Variants in DHRS3 observed in about 807,000 individuals in gnomAD.
DHRS3 encodes dehydrogenase/reductase 3.
Under a neutral mutation model 27.2 loss-of-function variants are expected in DHRS3, and 14 were observed. That is an observed-to-expected ratio of 0.52 (90% CI 0.34 to 0.81). The LOEUF (loss-of-function observed/expected upper bound fraction) is 0.81. Ranked by LOEUF, DHRS3 falls within the 30% of genes least tolerant of loss-of-function variation. The pLI is 0.01. For missense variants in DHRS3, 322 were observed against 406.2 expected, an observed-to-expected ratio of 0.79 and a Z score of 1.78; for synonymous variants, 165 against 175.9, an observed-to-expected ratio of 0.94 and a Z score of 0.49.
chr1:12,571,895 A>G (rs771009912), intron 5 of DHRS3, among the ~76,000 whole-genome samples: 2 of 152,162 alleles, frequency 1.3e-5, no homozygotes, highest in Non-Finnish European at 2.9e-5. Context: ...CTCTCAGTGA[A>G]TGGTAGAATT....
chr1:12,596,649 CAAGGAAT>C, intron 1 of DHRS3, among the ~76,000 whole-genome samples: 1 of 152,144 alleles, frequency 6.6e-6, no homozygotes, highest in Non-Finnish European at 1.5e-5. Flanking sequence ...GTTGGGGCCT[CAAGGAAT>C]CTGCTCTGGA....
intron 1 of DHRS3, among the ~76,000 whole-genome samples, chr1:12,596,978 C>T (rs1466816146): frequency 6.6e-6 from 1 of 151,952 alleles, no homozygotes; most frequent in African/African-American, 2.4e-5. Context: ...GATGAATAGT[C>T]CCCCCTGGCT....
At chr1:12,600,370 T>C in intron 1 of DHRS3, 1 of 985,428 alleles carries the variant, frequency 1.0e-6, no homozygotes, top group Non-Finnish European at 1.2e-6. Context: ...CCTTGTGTCT[T>C]GCCATCCCTT....
intron 1 of DHRS3, among the ~76,000 whole-genome samples, chr1:12,601,463 C>T (rs1381460104): frequency 6.6e-6 from 1 of 152,052 alleles, no homozygotes; most frequent in Non-Finnish European, 1.5e-5. Context: ...AGGTCTGCCT[C>T]AAAGTGAGGG....
At chr1:12,585,391 G>T (rs1646688584) in intron 1 of DHRS3, among the ~76,000 whole-genome samples, 1 of 67,298 alleles carries the variant, frequency 1.5e-5, no homozygotes, top group Non-Finnish European at 5.2e-5. Flanking sequence ...GTGTCTGTGT[G>T]TGACTGTGTG....
intron 1 of DHRS3, among the ~76,000 whole-genome samples, chr1:12,605,446 T>C (rs562013929): frequency 6.6e-5 from 10 of 152,338 alleles, no homozygotes; most frequent in Admixed American, 5.9e-4. Context: ...AATAGCACCC[T>C]GTATATTAAT....
intron 1 of DHRS3, among the ~76,000 whole-genome samples, chr1:12,583,366 T>C (rs1646662359): frequency 1.0e-5 from 1 of 99,752 alleles, no homozygotes; most frequent in Admixed American, 9.3e-5. Context: ...CACCCATCCA[T>C]TCCTCACCCA....
rs372764283 is a variant in DHRS3, at chr1:12,579,280, G to A, written c.459+13C>T. 2.1e-4 allele frequency: 332 copies of A among 1,614,046 alleles called. 1 individual carries two copies. In the African/African-American group the frequency reaches 3.9e-3, roughly 19 times the overall value. The stretch of plus-strand genomic sequence containing the variant: ...CACGCCCGGGGCTGGCTCTGGCCCC[G>A]GATAGCCCTTACCCAGAACTGGCCC... On this transcript the variant is annotated intron_variant, in intron 3 of 5. Coordinates refer to ENST00000616661, the MANE Select transcript of DHRS3 (RefSeq NM_004753.7).
At chr1:12,588,786 C>A (rs115141567) in intron 1 of DHRS3, among the ~76,000 whole-genome samples, 1 of 152,236 alleles carries the variant, frequency 6.6e-6, no homozygotes, top group African/African-American at 2.4e-5. Flanking sequence ...ACCCTCCCAC[C>A]GGCGACATGA....
chr1:12,579,193 G>T, intron 3 of DHRS3, 100 bp downstream of exon 3: 1 of 1,587,188 alleles, frequency 6.3e-7, no homozygotes, highest in Non-Finnish European at 8.6e-7. Context: ...GGACATCCCT[G>T]CTGGCCTGAG....
At position 12,586,375 on chromosome 1, in the gene DHRS3, C is replaced by T. The variant is rs1347547578; in HGVS notation, c.196-5709G>A. ...GTCTGAGCTTTGAGGGTTCCACTCT[C>T]CTCACATGCAACCCCACGCCCCGCG... On this transcript the variant is annotated intron_variant, in intron 1 of 5. Transcript: ENST00000616661. This position sits in a 1 kb window ranked among gnomAD's most constrained non-coding sequence, Gnocchi z 5.0. Among the ~76,000 whole-genome samples the T allele has an allele frequency of 1.3e-5, 2 of 152,248 alleles. No homozygotes were observed. The highest frequency in any genetic ancestry group is 4.8e-5 in the African/African-American group (2 of 41,460).
intron 1 of DHRS3, among the ~76,000 whole-genome samples, chr1:12,583,162 C>A (rs1235021283): frequency 1.3e-5 from 2 of 149,064 alleles, no homozygotes; most frequent in African/African-American, 5.0e-5. Flanking sequence ...ACTCACCCAC[C>A]CCACTCCATC....
chr1:12,600,360 C>T lies in DHRS3; in HGVS notation c.195+16794G>A, dbSNP rs922102916. The T allele has an allele frequency of 4.1e-6, 4 of 985,306 alleles. No homozygotes were observed. In the African/African-American group the frequency reaches 7.0e-5, roughly 17 times the overall value. 61.0% of individuals were successfully genotyped at this position (985,306 alleles called of 1,614,324 possible). ...GCACCATGTGCCCAGTCCACACTGACCTTGTGTCTTGCCATCCCTTAAGGA... is the reference window on the plus strand; with the variant it reads ...GCACCATGTGCCCAGTCCACACTGATCTTGTGTCTTGCCATCCCTTAAGGA... On this transcript the variant is annotated intron_variant, in intron 1 of 5. Transcript: ENST00000616661.
chr1:12,616,500 TGG>T, intron 1 of DHRS3: 1 of 942,398 alleles, frequency 1.1e-6, no homozygotes. Flanking sequence ...GGGGGTGTAC[TGG>T]GGGGGAGGGG....
chr1:12,571,346 C>T (rs1377668865), intron 5 of DHRS3, among the ~76,000 whole-genome samples: 4 of 152,158 alleles, frequency 2.6e-5, no homozygotes, highest in Non-Finnish European at 5.9e-5. Flanking sequence ...TCCCACCCGA[C>T]TGGTACTAAG....
At chr1:12,571,261 G>T (rs557759126) in intron 5 of DHRS3, among the ~76,000 whole-genome samples, 3 of 152,332 alleles carry the variant, frequency 2.0e-5, no homozygotes, top group South Asian at 4.1e-4. Context: ...AGGGGAATAG[G>T]ATGCCAGGCA....
At chr1:12,589,097 A>G (rs1398989879) in intron 1 of DHRS3, among the ~76,000 whole-genome samples, 1 of 152,242 alleles carries the variant, frequency 6.6e-6, no homozygotes, top group Non-Finnish European at 1.5e-5. Context: ...CTGTGGTCAG[A>G]TGAGAATGAG....
At chr1:12,584,436 C>A (rs1347096303) in intron 1 of DHRS3, among the ~76,000 whole-genome samples, 1 of 152,002 alleles carries the variant, frequency 6.6e-6, no homozygotes, top group African/African-American at 2.4e-5. Context: ...GGGGAACCGG[C>A]CTCACCTCTC....
chr1:12,597,408 A>G (rs1184756298), intron 1 of DHRS3, among the ~76,000 whole-genome samples: 1 of 152,206 alleles, frequency 6.6e-6, no homozygotes, highest in Non-Finnish European at 1.5e-5. Context: ...GCGAGTACTC[A>G]TGGAGTGCAA....
Sources: allele counts gnomAD v4.1 joint callset (sites outside exome capture counted in the v4.1 genomes callset), GRCh38; gene constraint gnomAD v4.1.1; non-coding constraint Gnocchi (gnomAD v3.1); transcripts MANE v1.5; gene names NCBI Gene and HGNC (gene_info 2026-07-23, HGNC 2026-07-21).